Variants in LIMK2 observed in about 807,000 individuals in gnomAD.
The protein encoded by LIMK2 is LIM domain kinase 2.
LIMK2 carries 35 observed loss-of-function variants against 75.7 expected under a neutral mutation model. The ratio of observed to expected loss-of-function variants is 0.46; its 90% CI spans 0.35 to 0.61. The LOEUF (loss-of-function observed/expected upper bound fraction) is 0.61. Among genes scored for constraint, LIMK2 ranks in the 20% least tolerant of loss-of-function variants. LIMK2 has a pLI of 0.00. For missense variants in LIMK2, 623 were observed against 831.0 expected (o/e 0.75, Z 3.08); for synonymous variants, 301 against 319.2 (o/e 0.94, Z 0.61).
In LIMK2 at chr22:31,271,129, G is replaced by A. The variant is rs1248213257; in HGVS notation, c.1318-7G>A. 8.1e-6 allele frequency: 13 copies of A among 1,613,490 alleles called. No individual in the cohort carries two copies. Among genetic ancestry groups the A allele is most frequent in the Non-Finnish European group, 1.1e-5 (13 of 1,179,526 alleles). ...CCCTGTAGCCTCAGCTCATGCTTCTGTTCCAGGCCTATTTGCACTCTATGT... is the reference window on the plus strand; with the variant it reads ...CCCTGTAGCCTCAGCTCATGCTTCTATTCCAGGCCTATTTGCACTCTATGT... On this transcript the variant is annotated splice_region_variant and splice_polypyrimidine_tract_variant and intron_variant, in intron 11 of 15. Coordinates refer to ENST00000331728, the MANE Select transcript of LIMK2 (RefSeq NM_005569.4).
intron 2 of LIMK2, among the ~76,000 whole-genome samples, chr22:31,227,302 T>G (rs1365602533): frequency 6.6e-6 from 1 of 152,264 alleles, no homozygotes; most frequent in African/African-American, 2.4e-5. Flanking sequence ...CACCTTGTGC[T>G]GTAGATTCCA....
At chr22:31,212,539 T>C in intron 1 of LIMK2, 115 bp downstream of exon 1, 1 of 1,050,004 alleles carries the variant, frequency 9.5e-7, no homozygotes, top group Non-Finnish European at 1.2e-6. Context: ...TCCTCGTGGG[T>C]CCGAGCTCCT....
chr22:31,223,487 C>T (rs1397689529), intron 1 of LIMK2, among the ~76,000 whole-genome samples: 2 of 152,100 alleles, frequency 1.3e-5, no homozygotes, highest in African/African-American at 2.4e-5. Flanking sequence ...AGGTGTGGCT[C>T]TAAAATAATG....
rs115204987 is a variant in LIMK2 at position 31,262,229 on chromosome 22, G to C, written c.647G>C (p.Arg216Pro). 1.2e-6 allele frequency: 2 copies of C among 1,611,220 alleles called. No homozygotes were observed. Among genetic ancestry groups the C allele is most frequent in the Non-Finnish European group, 1.7e-6 (2 of 1,177,316 alleles). ...AATGGGACCCCCGTCCGCACACTTC[G>C]AGTGGAGGAGGTAGAGTGTGTGTCT... ...EINGTPVRTL[R>P]VEEVEDAISQ... Residue 216 changes from arginine (R) to proline (P), a missense_variant, in exon 6 of 16, where the codon CGA becomes CCA. Physicochemically the swap from Arg to Pro is moderately radical, Grantham distance 103. Transcript: ENST00000331728. The surrounding 1 kb of genome is among the most constrained non-coding windows in gnomAD (Gnocchi z 5.0).
chr22:31,265,191 CAA>C (rs35356989), intron 7 of LIMK2, among the ~76,000 whole-genome samples: 3 of 34,522 alleles, frequency 8.7e-5, no homozygotes, highest in Admixed American at 4.5e-4. Flanking sequence ...GAGACTCCAT[CAA>C]AAAAAAAAAA....
At chr22:31,248,308 C>G in intron 2 of LIMK2, 1 of 1,192,264 alleles carries the variant, frequency 8.4e-7, no homozygotes, top group Non-Finnish European at 1.1e-6. Flanking sequence ...GGAGCCCCTC[C>G]TCTTCCTCCC....
intron 1 of LIMK2, among the ~76,000 whole-genome samples, chr22:31,213,979 C>T (rs1383445737): frequency 2.0e-5 from 3 of 152,060 alleles, no homozygotes; most frequent in Non-Finnish European, 4.4e-5. Flanking sequence ...CCACGCCCGG[C>T]TAATTTTTTT....
Position 31,272,678 on chromosome 22 carries a change from A to G in LIMK2, c.1532A>G (p.Tyr511Cys), listed in dbSNP as rs555986857. 1 of 1,611,266 alleles carries G rather than the reference A, an allele frequency of 6.2e-7. No individual in the cohort carries two copies. The highest frequency in any genetic ancestry group is 1.7e-5 in the Admixed American group (1 of 59,542). ...KKRYTVVGNP[Y>C]WMAPEMLNGK... is the part of the protein sequence containing the mutation. ...CGCTACACGGTGGTGGGAAACCCCTACTGGATGGCCCCTGAGATGCTGAAC... is the reference window on the plus strand; with the variant it reads ...CGCTACACGGTGGTGGGAAACCCCTGCTGGATGGCCCCTGAGATGCTGAAC... The change falls in exon 13 of 16, where the codon TAC becomes TGC. Residue 511 changes from tyrosine (Y) to cysteine (C), a missense_variant. Tyr to Cys is a radical substitution (Grantham distance 194). This residue lies in a region of LIMK2 where 63 missense variants were observed against 122.8 expected (regional missense o/e 0.51). Coordinates refer to ENST00000331728, the MANE Select transcript of LIMK2 (RefSeq NM_005569.4).
chr22:31,218,518 T>C (rs1264126272), intron 1 of LIMK2, among the ~76,000 whole-genome samples: 1 of 152,194 alleles, frequency 6.6e-6, no homozygotes. Flanking sequence ...AAAGCTCTTT[T>C]AAAAATCATC....
intron 1 of LIMK2, among the ~76,000 whole-genome samples, chr22:31,213,990 G>T (rs896503547): frequency 2.0e-5 from 3 of 151,640 alleles, no homozygotes; most frequent in African/African-American, 7.3e-5. Context: ...TAATTTTTTT[G>T]GTATATTTAG....
intron 1 of LIMK2, among the ~76,000 whole-genome samples, chr22:31,218,318 A>G (rs148144483): frequency 2.1e-4 from 32 of 152,308 alleles, no homozygotes; most frequent in African/African-American, 6.5e-4. Context: ...ACCCCTCACA[A>G]ATTTTTCCAA....
intron 1 of LIMK2, among the ~76,000 whole-genome samples, chr22:31,215,542 G>A (rs547495556): frequency 6.6e-6 from 1 of 152,302 alleles, no homozygotes; most frequent in Non-Finnish European, 1.5e-5. Flanking sequence ...CTCAACTAGT[G>A]GTAGAGCCAG....
chr22:31,274,192 T>A (rs748840384), intron 14 of LIMK2, among the ~76,000 whole-genome samples: 1 of 151,914 alleles, frequency 6.6e-6, no homozygotes, highest in Non-Finnish European at 1.5e-5. Context: ...AAGTAGCCAC[T>A]CTAGGAAGTG....
At chr22:31,277,106 C>T (rs559031525) in intron 15 of LIMK2, 2 of 1,613,930 alleles carry the variant, frequency 1.2e-6, no homozygotes, top group East Asian at 4.5e-5. Context: ...AAGATCCGGG[C>T]CATGCAGAAG....
chr22:31,256,288 C>T (rs374771666), intron 2 of LIMK2, among the ~76,000 whole-genome samples: 10 of 143,810 alleles, frequency 7.0e-5, no homozygotes, highest in South Asian at 2.3e-4. Flanking sequence ...TGAGCCACCG[C>T]GCCCTGCCTA....
Position 31,278,526 on chromosome 22 carries a change from G to C in LIMK2, c.*85G>C. ...ATTCCTGCTGTGAGCAGGGCCGTCC[G>C]GGCTTCCTGTGGATTGGCGGAATGT... On this transcript the variant is annotated 3_prime_UTR_variant, in exon 16 of 16. Transcript: ENST00000331728. The C allele has an allele frequency of 7.1e-7, 1 of 1,414,922 alleles. No individual in the cohort carries two copies. The allele number at this position is 1,414,922 out of a possible 1,614,324, so 87.6% of individuals were successfully genotyped here.
intron 2 of LIMK2, among the ~76,000 whole-genome samples, chr22:31,242,631 A>G (rs1300319770): frequency 6.6e-6 from 1 of 152,210 alleles, no homozygotes; most frequent in East Asian, 1.9e-4. Context: ...CCAATTCTCC[A>G]TTCCTAGTTT....
intron 1 of LIMK2, among the ~76,000 whole-genome samples, chr22:31,217,273 C>G (rs2048396043): frequency 6.6e-6 from 1 of 152,048 alleles, no homozygotes; most frequent in East Asian, 1.9e-4. Flanking sequence ...GGGCAGGTGC[C>G]TGTAATCCCA....
chr22:31,258,917 C>A, intron 3 of LIMK2: 1 of 523,856 alleles, frequency 1.9e-6, no homozygotes, highest in South Asian at 2.2e-5. Context: ...TAACTGAGAC[C>A]AAAACAGTTT....
Sources: allele counts gnomAD v4.1 joint callset (sites outside exome capture counted in the v4.1 genomes callset), GRCh38; gene constraint gnomAD v4.1.1; regional missense constraint gnomAD v4.1.1; non-coding constraint Gnocchi (gnomAD v3.1); transcripts MANE v1.5; gene names NCBI Gene and HGNC (gene_info 2026-07-23, HGNC 2026-07-21).